RBFOX3: variants seen among roughly 807,000 people sequenced by gnomAD.
RBFOX3 encodes RNA binding protein fox-1 homolog 3.
RBFOX3 carries 17 observed loss-of-function variants against 48.7 expected under a neutral mutation model. That is an observed-to-expected ratio of 0.35 (90% confidence interval 0.24 to 0.52). The LOEUF is 0.52. Among genes scored for constraint, RBFOX3 ranks in the 20% least tolerant of loss-of-function variants. The probability of loss-of-function intolerance (pLI) is 0.94; values close to 1 mark genes in which losing one functional copy is unlikely to be tolerated. For synonymous variants in RBFOX3, 212 were observed against 209.5 expected (o/e 1.01, Z -0.10); for missense variants, 382 against 497.5 (o/e 0.77, Z 2.21).
intron 3 of RBFOX3, among the ~76,000 whole-genome samples, chr17:79,253,767 C>T (rs927665319): frequency 9.9e-5 from 15 of 152,196 alleles, no homozygotes; most frequent in African/African-American, 3.6e-4. Context: ...AGGTCCCCAG[C>T]TGCTGTTTGT....
chr17:79,591,800 G>A (rs35650620), intron 1 of RBFOX3, among the ~76,000 whole-genome samples: 27,640 of 151,930 alleles, frequency 0.18, 2,998 homozygotes, highest in Middle Eastern at 0.29. Flanking sequence ...GTGCACGTAT[G>A]GAGGGTGTGA....
At chr17:79,286,852 C>G (rs1319871312) in intron 3 of RBFOX3, among the ~76,000 whole-genome samples, 1 of 152,192 alleles carries the variant, frequency 6.6e-6, no homozygotes, top group Non-Finnish European at 1.5e-5. Context: ...CTGAGGACGC[C>G]CTGGTGCCCT....
chr17:79,139,710 C>T (rs1469474204), intron 4 of RBFOX3, among the ~76,000 whole-genome samples: 2 of 152,106 alleles, frequency 1.3e-5, no homozygotes, highest in Non-Finnish European at 2.9e-5. Flanking sequence ...CCACCAACCG[C>T]GAAAAAGGAG....
chr17:79,129,164 G>A (rs1795962), intron 4 of RBFOX3, among the ~76,000 whole-genome samples: 31,778 of 152,144 alleles, frequency 0.21, 3,466 homozygotes, highest in Middle Eastern at 0.25. Context: ...GAGTAGTGAC[G>A]GACGGTGGCT....
intron 4 of RBFOX3, chr17:79,208,409 T>G (rs1392258362): frequency 2.0e-5 from 3 of 152,268 alleles, no homozygotes; most frequent in Non-Finnish European, 2.9e-5. Context: ...TGGGAGTCAG[T>G]CGGGAAGGTT....
chr17:79,119,826 A>G (rs2035201392), intron 4 of RBFOX3, among the ~76,000 whole-genome samples: 1 of 152,168 alleles, frequency 6.6e-6, no homozygotes, highest in African/African-American at 2.4e-5. Context: ...TACACATCCC[A>G]GTCACCTAGA....
At chr17:79,620,434 C>G in the RBFOX3 span, among the ~76,000 whole-genome samples, 7 of 145,082 alleles carry the variant, frequency 4.8e-5, no homozygotes, top group Non-Finnish European at 1.1e-4. Context: ...CGCACGTGCA[C>G]ACATGCACAT....
chr17:79,468,708 G>A (rs1340322277), intron 2 of RBFOX3, among the ~76,000 whole-genome samples: 1 of 118,318 alleles, frequency 8.5e-6, no homozygotes, highest in South Asian at 2.6e-4. Flanking sequence ...GAGGATAGAC[G>A]AATGGATGCA....
At position 79,094,434 on chromosome 17, in the gene RBFOX3, G is replaced by A. The variant is rs752716524; in HGVS notation, c.1077+17C>T. ...TTAGGACTGGCACCCAGGGCTGGGC[G>A]GGCCTGGGCTCCTTACCATGGTTCC... is the stretch of plus-strand genomic sequence containing the variant. On this transcript the variant is annotated intron_variant, in intron 14 of 14. Coordinates refer to ENST00000693108, the MANE Select transcript of RBFOX3 (RefSeq NM_001350451.2). The A allele has an allele frequency of 3.8e-4, 573 of 1,491,552 alleles. No individual in the cohort carries two copies. Among genetic ancestry groups the A allele is most frequent in the Non-Finnish European group, 4.9e-4 (544 of 1,121,482 alleles). The allele number at this position is 1,491,552 out of a possible 1,614,324, so 92.4% of individuals were successfully genotyped here. A position where few individuals can be genotyped will look rare whatever the true frequency, so the allele number is the denominator to read the frequency against.
At chr17:79,168,477 G>C (rs186989958) in intron 4 of RBFOX3, among the ~76,000 whole-genome samples, 65 of 152,364 alleles carry the variant, frequency 4.3e-4, no homozygotes, top group Non-Finnish European at 6.3e-4. Flanking sequence ...GAACAGAAGA[G>C]GCCCGTGCCC....
At chr17:79,486,522 C>A (rs1160758793) in intron 1 of RBFOX3, among the ~76,000 whole-genome samples, 1 of 152,202 alleles carries the variant, frequency 6.6e-6, no homozygotes, top group Non-Finnish European at 1.5e-5. Context: ...GTCCCCTACA[C>A]ACACATATGC....
At chr17:79,475,892 C>G (rs2149419998) in intron 2 of RBFOX3, among the ~76,000 whole-genome samples, 1 of 152,314 alleles carries the variant, frequency 6.6e-6, no homozygotes, top group African/African-American at 2.4e-5. Context: ...ACCCCGCTGC[C>G]CTCCTGATTT....
rs2073545129 is a variant in RBFOX3, at chr17:79,089,605, CCATTT to C, written c.*1273_*1277del. On this transcript the variant is annotated 3_prime_UTR_variant, in exon 15 of 15. Coordinates refer to ENST00000693108, the MANE Select transcript of RBFOX3 (RefSeq NM_001350451.2). ...ACAACGGGAATAGAAAAGGAGAATT[CCATTT>C]CAATAGCTGATGCTGAATAGAAAGT... is the stretch of plus-strand genomic sequence containing the variant. 1 of 152,534 alleles carries C rather than the reference CCATTT, an allele frequency of 6.6e-6. No individual in the cohort carries two copies. The highest frequency in any genetic ancestry group is 2.1e-4 in the South Asian group (1 of 4,830). The allele number at this position is 152,534 out of a possible 1,614,324, so 9.4% of individuals were successfully genotyped here.
chr17:79,213,002 G>A (rs907264714), intron 4 of RBFOX3, among the ~76,000 whole-genome samples: 4 of 151,634 alleles, frequency 2.6e-5, no homozygotes, highest in African/African-American at 9.7e-5. Flanking sequence ...TTACAGGCAT[G>A]CGCCTGTAAT....
intron 2 of RBFOX3, among the ~76,000 whole-genome samples, chr17:79,346,486 G>C (rs1041897452): frequency 6.6e-6 from 1 of 152,142 alleles, no homozygotes; most frequent in Admixed American, 6.5e-5. Context: ...GACAACACTA[G>C]GTAATCTTAA....
intron 1 of RBFOX3, among the ~76,000 whole-genome samples, chr17:79,565,505 AT>A (rs1436235442): frequency 5.9e-5 from 9 of 151,626 alleles, no homozygotes; most frequent in Non-Finnish European, 4.4e-5. Context: ...ACACCCAATA[AT>A]TTTTTTGTAT....
intron 2 of RBFOX3, among the ~76,000 whole-genome samples, chr17:79,350,310 T>C (rs1877677): frequency 0.25 from 38,104 of 152,114 alleles, 4,818 homozygotes; most frequent in East Asian, 0.3. Flanking sequence ...TCCTGTTTAA[T>C]TCTCCAACTC....
intron 4 of RBFOX3, among the ~76,000 whole-genome samples, chr17:79,120,355 G>A (rs769268651): frequency 6.6e-5 from 10 of 151,988 alleles, no homozygotes; most frequent in Non-Finnish European, 1.5e-4. Context: ...GGGTGGGCAG[G>A]TGGGTGGATG....
chr17:79,598,711 T>G (rs2093631731), intron 1 of RBFOX3: 5 of 152,052 alleles, frequency 3.3e-5, no homozygotes, highest in Admixed American at 2.6e-4. Context: ...CCATGGCAAC[T>G]CCAGGAAGTT....
Sources: allele counts gnomAD v4.1 joint callset (sites outside exome capture counted in the v4.1 genomes callset), GRCh38; gene constraint gnomAD v4.1.1; transcripts MANE v1.5; gene names NCBI Gene and HGNC (gene_info 2026-07-23, HGNC 2026-07-21).